PRSS54: variants seen among roughly 807,000 people sequenced by gnomAD.
PRSS54 encodes inactive serine protease 54.
In PRSS54, 16 loss-of-function variants were observed where a neutral mutation model predicts 19.9. The ratio of observed to expected loss-of-function variants is 0.80; its 90% CI spans 0.54 to 1.22. The LOEUF (loss-of-function observed/expected upper bound fraction) is 1.22. PRSS54 is among the 50% of genes most tolerant of loss of function. The pLI is 0.00. For synonymous variants in PRSS54, 177 were observed against 195.8 expected, an observed-to-expected ratio of 0.90 and a Z score of 0.80; for missense variants, 444 against 494.8, an observed-to-expected ratio of 0.90 and a Z score of 0.97.
intron 5 of PRSS54, among the ~76,000 whole-genome samples, chr16:58,285,589 A>G (rs1223038683): frequency 6.6e-6 from 1 of 152,044 alleles, no homozygotes; most frequent in Admixed American, 6.6e-5. Context: ...TAAATTTAAA[A>G]CAATTAACCA....
intron 4 of PRSS54, among the ~76,000 whole-genome samples, chr16:58,289,540 C>T (rs1478645738): frequency 6.6e-6 from 1 of 150,518 alleles, no homozygotes; most frequent in South Asian, 2.1e-4. Flanking sequence ...TTTAACTGTA[C>T]GTCCTTTGGT....
rs1456607480 is a variant in PRSS54, at chr16:58,293,788, T to A, written c.29A>T (p.Asp10Val). 3.7e-6 allele frequency: 6 copies of A among 1,612,800 alleles called. No homozygotes were observed. Among genetic ancestry groups the A allele is most frequent in the Non-Finnish European group, 5.1e-6 (6 of 1,179,490 alleles). MVSAAGLSG[D>V]GKMRGVLLVL... ...CAGGAGCACCCCTCGCATCTTGCCA[T>A]CCCCAGAGAGACCCGCCGCGGACAC... Residue 10 changes from aspartate to valine, a missense_variant, in exon 3 of 7, where the codon GAT (aspartate) becomes GTT (valine). Coordinates refer to ENST00000567164, the MANE Select transcript of PRSS54 (RefSeq NM_001305173.2).
Position 58,294,158 on chromosome 16 carries a change from CT to C in PRSS54, c.-181del. 1 of 275,092 alleles carries C rather than the reference CT, an allele frequency of 3.6e-6. No homozygotes were observed. Among genetic ancestry groups the C allele is most frequent in the Non-Finnish European group, 7.0e-6 (1 of 142,806 alleles). 17.0% of individuals were successfully genotyped at this position (275,092 alleles called of 1,614,324 possible). ...AGAGTTGGGTCTCTGAAAAGGGCTG[CT>C]TTTTGACTCGTGGAATTCAACCCTT... On this transcript the variant is annotated 5_prime_UTR_variant, in exon 2 of 7. It removes the in-frame stop codon of an upstream open reading frame in the 5' UTR. Coordinates refer to ENST00000567164, the MANE Select transcript of PRSS54 (RefSeq NM_001305173.2).
chr16:58,284,474 A>G lies in PRSS54; in HGVS notation c.654+116T>C, dbSNP rs1224279820. ...CTATTCACTCCAGAGACAGCCACTCATCCCAAGCCCTGCCCTCACAGAGCT... is the reference window on the plus strand; with the variant it reads ...CTATTCACTCCAGAGACAGCCACTCGTCCCAAGCCCTGCCCTCACAGAGCT... On this transcript the variant is annotated intron_variant, in intron 6 of 6. Coordinates refer to ENST00000567164, the MANE Select transcript of PRSS54 (RefSeq NM_001305173.2). The G allele has an allele frequency of 3.3e-6, 4 of 1,210,316 alleles. No individual in the cohort carries two copies. In the Admixed American group the frequency reaches 5.9e-5, roughly 18 times the overall value. The allele number at this position is 1,210,316 out of a possible 1,614,324, so 75.0% of individuals were successfully genotyped here. A position where few individuals can be genotyped will look rare whatever the true frequency, so the allele number is the denominator to read the frequency against.
intron 6 of PRSS54, chr16:58,281,047 C>T (rs567620926): frequency 2.7e-6 from 1 of 366,640 alleles, no homozygotes; most frequent in East Asian, 4.6e-5. Flanking sequence ...CCAAACCTTC[C>T]CTCTCTTCTG....
chr16:58,284,810 A>T, intron 5 of PRSS54, 89 bp from the exon 6 acceptor site: 2 of 1,442,838 alleles, frequency 1.4e-6, no homozygotes, highest in Non-Finnish European at 1.9e-6. Context: ...GCCAAACGAG[A>T]GTGAGAATTT....
chr16:58,289,701 A>G (rs1332238490), intron 4 of PRSS54, among the ~76,000 whole-genome samples: 1 of 151,892 alleles, frequency 6.6e-6, no homozygotes, highest in African/African-American at 2.4e-5. Flanking sequence ...CCTTCCGAGT[A>G]GCTGTGATTA....
chr16:58,288,072 G>A (rs148497516), intron 4 of PRSS54, among the ~76,000 whole-genome samples: 9 of 152,256 alleles, frequency 5.9e-5, no homozygotes, highest in East Asian at 3.9e-4. Flanking sequence ...AGATCACCAC[G>A]TGGTATAATT....
At chr16:58,286,326 C>T in intron 4 of PRSS54, 131 bp from the exon 5 acceptor site, 1 of 944,064 alleles carries the variant, frequency 1.1e-6, no homozygotes, top group Non-Finnish European at 1.6e-6. Context: ...AATTCTTCCT[C>T]ACCCCTTTGG....
intron 5 of PRSS54, 27 bp downstream of exon 5, chr16:58,285,910 C>G: frequency 6.2e-7 from 1 of 1,612,258 alleles, no homozygotes; most frequent in Non-Finnish European, 8.5e-7. Flanking sequence ...CACACGCAGC[C>G]TTCTCTGGGA....
intron 3 of PRSS54, among the ~76,000 whole-genome samples, chr16:58,293,332 C>G (rs1319160010): frequency 6.6e-6 from 1 of 152,164 alleles, no homozygotes; most frequent in Non-Finnish European, 1.5e-5. Flanking sequence ...GTGGCTGCCT[C>G]CAAGACACCT....
chr16:58,283,709 C>T (rs144058836), intron 6 of PRSS54: 2 of 152,248 alleles, frequency 1.3e-5, no homozygotes, highest in African/African-American at 4.8e-5. Context: ...TTAAGATCCC[C>T]CACCTGGCAG....
rs1046856077 is a variant in PRSS54, at chr16:58,294,181, C to G, written c.-203G>C. The G allele has an allele frequency of 6.6e-5, 17 of 258,638 alleles. No individual in the cohort carries two copies. Among genetic ancestry groups the G allele is most frequent in the African/African-American group, 3.5e-4 (16 of 46,230 alleles). The allele number at this position is 258,638 out of a possible 1,614,324, so 16.0% of individuals were successfully genotyped here. On this transcript the variant is annotated 5_prime_UTR_variant, in exon 2 of 7. Transcript: ENST00000567164. ...TGCTTTTTGACTCGTGGAATTCAAC[C>G]CTTGCCTTAACTCTGTAGCCATAAA...
At chr16:58,291,638 C>T (rs908784786) in intron 3 of PRSS54, among the ~76,000 whole-genome samples, 7 of 151,798 alleles carry the variant, frequency 4.6e-5, no homozygotes, top group Non-Finnish European at 4.4e-5. Context: ...CCTGCCACTA[C>T]CCCCCGGCTA....
chr16:58,287,600 A>G (rs1350931430), intron 4 of PRSS54, among the ~76,000 whole-genome samples: 1 of 152,206 alleles, frequency 6.6e-6, no homozygotes, highest in Non-Finnish European at 1.5e-5. Context: ...TGCCTCTTTT[A>G]TGCATGTTGG....
chr16:58,290,839 TA>T, intron 4 of PRSS54, 119 bp downstream of exon 4: 1 of 1,106,528 alleles, frequency 9.0e-7, no homozygotes, highest in Non-Finnish European at 1.3e-6. Context: ...GCTGAGCTGG[TA>T]AAAAGCCCTG....
chr16:58,286,324 C>T (rs1964921434), intron 4 of PRSS54, 129 bp from the exon 5 acceptor site: 3 of 965,194 alleles, frequency 3.1e-6, no homozygotes, highest in Non-Finnish European at 3.1e-6. Flanking sequence ...TTAATTCTTC[C>T]TCACCCCTTT....
intron 3 of PRSS54, among the ~76,000 whole-genome samples, chr16:58,292,379 G>C (rs1035736819): frequency 2.0e-5 from 3 of 152,130 alleles, no homozygotes; most frequent in African/African-American, 7.2e-5. Context: ...GACACAGGAA[G>C]TGTGCCCAAA....
rs1472434418 is a variant in PRSS54 at position 58,280,527 on chromosome 16, G to A, written c.885C>T (p.Thr295=). 1 of 1,614,178 alleles carries A rather than the reference G, an allele frequency of 6.2e-7. No homozygotes were observed. Among genetic ancestry groups the A allele is most frequent in the African/African-American group, 1.3e-5 (1 of 75,046 alleles). ...ISFSHHGPNA[T]MTQKTYSDSE... ...AATCAGAATATGTCTTCTGTGTCAT[G>A]GTGGCATTTGGTCCATGGTGGGAGA... Residue 295 remains threonine, a synonymous_variant, in exon 7 of 7, where the codon ACC becomes ACT. Coordinates refer to ENST00000567164, the MANE Select transcript of PRSS54 (RefSeq NM_001305173.2).
Sources: gnomAD v4.1 joint callset for allele counts (sites outside exome capture counted in the v4.1 genomes callset) on GRCh38, gnomAD v4.1.1 for gene constraint, MANE v1.5 for transcripts, NCBI Gene and HGNC (gene_info 2026-07-23, HGNC 2026-07-21) for gene names.